The following TRPC5 variants were observed in gnomAD, a reference collection of about 807,000 sequenced individuals.
TRPC5 encodes short transient receptor potential channel 5.
In TRPC5, 9 loss-of-function variants were observed where a neutral mutation model predicts 56.5. That is an observed-to-expected ratio of 0.16 (90% CI 0.10 to 0.28). The LOEUF (loss-of-function observed/expected upper bound fraction) is 0.28, where lower values mean the gene tolerates loss of function less well. Ranked by LOEUF, TRPC5 falls within the 10% of genes least tolerant of loss-of-function variation. TRPC5 has a pLI of 1.00. For missense variants in TRPC5, 469 were observed against 748.9 expected (o/e 0.63, Z 4.36); for synonymous variants, 282 against 278.5 (o/e 1.01, Z -0.13).
At chrX:111,803,925 C>T (rs1921405168) in intron 7 of TRPC5, among the ~76,000 whole-genome samples, 1 of 111,914 alleles carries the variant, frequency 8.9e-6, no homozygotes, top group Non-Finnish European at 1.9e-5. Context: ...AGTCCTTGCC[C>T]ATGCCTATGT....
At chrX:112,075,983 A>G (rs1037699856) in intron 1 of TRPC5, among the ~76,000 whole-genome samples, 1 of 112,098 alleles carries the variant, frequency 8.9e-6, no homozygotes, top group East Asian at 2.8e-4. Context: ...CAGACTTCAG[A>G]ACTACAGAAC....
intron 1 of TRPC5, among the ~76,000 whole-genome samples, chrX:111,979,854 ACT>A (rs1414091366): frequency 9.0e-6 from 1 of 111,535 alleles, no homozygotes; most frequent in African/African-American, 3.2e-5. Flanking sequence ...AGGAGCTAGA[ACT>A]CTCATATACT....
At chrX:111,797,874 T>G (rs1921157886) in intron 7 of TRPC5, among the ~76,000 whole-genome samples, 1 of 111,632 alleles carries the variant, frequency 9.0e-6, no homozygotes, top group African/African-American at 3.2e-5. Context: ...TCTTTAAAAT[T>G]TACATTTCAA....
intron 1 of TRPC5, among the ~76,000 whole-genome samples, chrX:111,976,156 C>T (rs1237284740): frequency 1.8e-5 from 2 of 111,757 alleles, no homozygotes; most frequent in Non-Finnish European, 3.8e-5. Context: ...GGCATGATGA[C>T]TCACACCTAT....
At chrX:111,790,817 C>G (rs754793817) in intron 7 of TRPC5, among the ~76,000 whole-genome samples, 140 of 109,639 alleles carry the variant, frequency 1.3e-3, no homozygotes, top group African/African-American at 4.4e-3. Context: ...GCCAAGAGTT[C>G]AAGACCAGCT....
chrX:111,907,155 G>C (rs1925657580), intron 3 of TRPC5, among the ~76,000 whole-genome samples: 1 of 109,012 alleles, frequency 9.2e-6, no homozygotes, highest in Admixed American at 9.9e-5. Context: ...TCTTGGTTTG[G>C]GGCTCCTGAT....
chrX:111,854,243 T>C (rs1307640076), intron 3 of TRPC5, 137 bp from the exon 4 acceptor site: 2 of 565,326 alleles, frequency 3.5e-6, no homozygotes, highest in Non-Finnish European at 5.5e-6. Flanking sequence ...GTTTTCTAGG[T>C]GCCTGTGAAT....
At chrX:111,789,136 G>A (rs1180653481) in intron 7 of TRPC5, among the ~76,000 whole-genome samples, 1 of 111,778 alleles carries the variant, frequency 8.9e-6, no homozygotes, top group African/African-American at 3.3e-5. Context: ...AACAAAGCTG[G>A]AGGCATCACA....
At chrX:112,005,248 G>A (rs1177652973) in intron 1 of TRPC5, among the ~76,000 whole-genome samples, 2 of 109,791 alleles carry the variant, frequency 1.8e-5, no homozygotes, top group Non-Finnish European at 3.8e-5. Flanking sequence ...CTTATGAGTG[G>A]GAGCTAAATG....
rs138933569 is a variant in TRPC5, at chrX:111,789,434, A to G, written c.1897-7296T>C. 3.6e-3 allele frequency among the ~76,000 whole-genome samples: 411 copies of G among 112,613 alleles called. 3 individuals are homozygous for G. Among genetic ancestry groups the G allele is most frequent in the African/African-American group, 0.013 (391 of 30,998 alleles). ...TTAATTCAAGATGGATTAAAGACTT[A>G]AACGTTATACCTAAAGCCACAAAAA... On this transcript the variant is annotated intron_variant, in intron 7 of 10. Transcript: ENST00000262839.
chrX:111,785,797 G>A (rs1945958301), intron 7 of TRPC5, among the ~76,000 whole-genome samples: 1 of 111,724 alleles, frequency 9.0e-6, no homozygotes, highest in Admixed American at 9.5e-5. Flanking sequence ...ATTTGATCAA[G>A]TGGAAGAAAG....
chrX:112,008,802 G>A (rs1358693905), intron 1 of TRPC5, among the ~76,000 whole-genome samples: 2 of 111,233 alleles, frequency 1.8e-5, no homozygotes, highest in Non-Finnish European at 3.8e-5. Context: ...AACAGTGCCT[G>A]GCACATATCA....
chrX:111,817,142 T>C (rs1921881790), intron 7 of TRPC5, among the ~76,000 whole-genome samples: 1 of 110,206 alleles, frequency 9.1e-6, no homozygotes, highest in African/African-American at 3.3e-5. Context: ...TACTGTCTTC[T>C]CTACATAAGG....
At chrX:111,780,090 C>G (rs1225070773) in intron 9 of TRPC5, among the ~76,000 whole-genome samples, 1 of 111,362 alleles carries the variant, frequency 9.0e-6, no homozygotes, top group African/African-American at 3.3e-5. Flanking sequence ...GAGAAGTGAC[C>G]TATAGAATAA....
chrX:111,851,108 G>T (rs1230908231), intron 5 of TRPC5, among the ~76,000 whole-genome samples: 1 of 112,021 alleles, frequency 8.9e-6, no homozygotes, highest in African/African-American at 3.2e-5. Flanking sequence ...CATGTATAGG[G>T]CCTACTCTTG....
At chrX:112,057,314 C>T (rs1211642260) in intron 1 of TRPC5, among the ~76,000 whole-genome samples, 3 of 94,560 alleles carry the variant, frequency 3.2e-5, no homozygotes, top group African/African-American at 1.7e-4. Flanking sequence ...CTATGTGACC[C>T]GGGAAAAATG....
intron 1 of TRPC5, among the ~76,000 whole-genome samples, chrX:111,968,972 TAATAAAATAAAATAA>T (rs574801408): frequency 0.052 from 4,848 of 93,447 alleles, 263 homozygotes; most frequent in African/African-American, 0.16. Flanking sequence ...ACTTAAAGTA[TAATAAAATAAAATAA>T]AATAAAATAA....
chrX:111,914,989 A>C (rs1415994489), intron 2 of TRPC5, among the ~76,000 whole-genome samples: 1 of 111,084 alleles, frequency 9.0e-6, no homozygotes, highest in Admixed American at 9.5e-5. Flanking sequence ...AACCTGTAGC[A>C]CAGGATTCCC....
At chrX:111,973,815 A>C (rs1927847505) in intron 1 of TRPC5, among the ~76,000 whole-genome samples, 1 of 112,274 alleles carries the variant, frequency 8.9e-6, no homozygotes, top group East Asian at 2.8e-4. Context: ...CATTTACAGG[A>C]GAATCTATGC....
Sources: allele counts gnomAD v4.1 joint callset (sites outside exome capture counted in the v4.1 genomes callset), GRCh38; gene constraint gnomAD v4.1.1; transcripts MANE v1.5; gene names NCBI Gene and HGNC (gene_info 2026-07-23, HGNC 2026-07-21).